NDFIP1: variants seen among roughly 807,000 people sequenced by gnomAD.
NDFIP1 encodes the protein NEDD4 family-interacting protein 1.
In NDFIP1, 7 loss-of-function variants were observed where a neutral mutation model predicts 28.8. The ratio of observed to expected loss-of-function variants is 0.24; its 90% CI spans 0.14 to 0.46. The LOEUF (loss-of-function observed/expected upper bound fraction) is 0.46, where lower values mean the gene tolerates loss of function less well. Ranked by LOEUF, NDFIP1 falls within the 20% of genes least tolerant of loss-of-function variation. NDFIP1 has a pLI of 0.99. For synonymous variants in NDFIP1, 92 were observed against 101.0 expected (o/e 0.91, Z 0.53); for missense variants, 194 against 269.1 (o/e 0.72, Z 1.95).
chr5:142,137,484 A>T (rs1432737784), intron 4 of NDFIP1, among the ~76,000 whole-genome samples: 1 of 152,142 alleles, frequency 6.6e-6, no homozygotes, highest in African/African-American at 2.4e-5. Context: ...TGCTCAGCCT[A>T]TTAAGGCGTT....
intron 7 of NDFIP1, among the ~76,000 whole-genome samples, chr5:142,147,844 C>G (rs896309654): frequency 6.6e-6 from 1 of 152,224 alleles, no homozygotes; most frequent in Non-Finnish European, 1.5e-5. Context: ...AATTGCCTCT[C>G]TTGACATTGT....
intron 4 of NDFIP1, among the ~76,000 whole-genome samples, chr5:142,136,448 C>A (rs1596791212): frequency 6.6e-6 from 1 of 152,090 alleles, no homozygotes; most frequent in South Asian, 2.1e-4. Flanking sequence ...ATATATATAA[C>A]ACACACAGTA....
intron 1 of NDFIP1, among the ~76,000 whole-genome samples, chr5:142,126,211 G>A (rs999786067): frequency 6.6e-6 from 1 of 152,158 alleles, no homozygotes; most frequent in Non-Finnish European, 1.5e-5. Flanking sequence ...TAATTATACT[G>A]CCTTGTTTTG....
rs1757470408 is a variant in NDFIP1 at position 142,153,674 on chromosome 5, A to G, written c.*1946A>G. ...GAGTTTGGAAGTTTGTATGGCCTAT[A>G]ATGTTCTAAGTTCCAGAATGAAAAG... On this transcript the variant is annotated 3_prime_UTR_variant, in exon 8 of 8. Transcript: ENST00000253814. The G allele has an allele frequency of 7.2e-6, 2 of 277,086 alleles. No homozygotes were observed. The highest frequency in any genetic ancestry group is 2.2e-5 in the African/African-American group (1 of 45,350). 17.2% of individuals were successfully genotyped at this position (277,086 alleles called of 1,614,324 possible).
chr5:142,127,082 C>A (rs777741632), intron 1 of NDFIP1, among the ~76,000 whole-genome samples: 66 of 152,128 alleles, frequency 4.3e-4, no homozygotes, highest in Non-Finnish European at 8.2e-4. Context: ...GTGGCTTGAT[C>A]TCAGCTTACT....
intron 4 of NDFIP1, among the ~76,000 whole-genome samples, chr5:142,136,773 AAG>A (rs1757280124): frequency 6.7e-6 from 1 of 149,872 alleles, no homozygotes; most frequent in Admixed American, 6.6e-5. Context: ...AAAAAAAAAA[AAG>A]AGGTCAAAGG....
intron 1 of NDFIP1, among the ~76,000 whole-genome samples, chr5:142,117,336 T>C (rs1363810772): frequency 1.3e-5 from 2 of 151,014 alleles, no homozygotes; most frequent in Non-Finnish European, 3.0e-5. Flanking sequence ...CTCCGCCTCC[T>C]GGGCTCAAGT....
intron 4 of NDFIP1, among the ~76,000 whole-genome samples, chr5:142,136,974 G>A (rs1213353573): frequency 6.6e-6 from 1 of 150,692 alleles, no homozygotes; most frequent in Non-Finnish European, 1.5e-5. Context: ...GGGAGGCTGA[G>A]GCAGGAGAAT....
intron 1 of NDFIP1, among the ~76,000 whole-genome samples, chr5:142,124,983 G>A (rs920152102): frequency 2.2e-4 from 34 of 152,026 alleles, no homozygotes; most frequent in African/African-American, 8.0e-4. Flanking sequence ...CCACCATCAC[G>A]CCCAGCTAAT....
chr5:142,110,511 C>G (rs1027734738), intron 1 of NDFIP1, among the ~76,000 whole-genome samples: 4 of 152,100 alleles, frequency 2.6e-5, no homozygotes, highest in Non-Finnish European at 5.9e-5. Flanking sequence ...GTAATGCTGA[C>G]ATACTGCTAG....
At chr5:142,148,965 C>T (rs991181832) in intron 7 of NDFIP1, among the ~76,000 whole-genome samples, 2 of 152,006 alleles carry the variant, frequency 1.3e-5, no homozygotes, top group Non-Finnish European at 2.9e-5. Context: ...AAGGTGGTAA[C>T]ACAGTTGATT....
At chr5:142,135,874 G>T in intron 4 of NDFIP1, 57 bp downstream of exon 4, 2 of 1,215,076 alleles carry the variant, frequency 1.6e-6, no homozygotes, top group Non-Finnish European at 2.4e-6. Context: ...TTTGGATTAT[G>T]GGTGAATCTG....
At chr5:142,115,531 C>T (rs1039152035) in intron 1 of NDFIP1, among the ~76,000 whole-genome samples, 13 of 152,200 alleles carry the variant, frequency 8.5e-5, no homozygotes, top group African/African-American at 2.2e-4. Context: ...GTGATCTGCC[C>T]GCCTCGGTCT....
intron 1 of NDFIP1, among the ~76,000 whole-genome samples, chr5:142,125,009 G>T (rs1032487303): frequency 4.1e-4 from 63 of 152,076 alleles, no homozygotes; most frequent in African/African-American, 1.5e-3. Context: ...TGTATTTTTA[G>T]TAGAGATGGG....
chr5:142,126,990 GAA>G (rs35952555), intron 1 of NDFIP1, among the ~76,000 whole-genome samples: 2 of 150,932 alleles, frequency 1.3e-5, no homozygotes, highest in Non-Finnish European at 3.0e-5. Context: ...GATAAGGAGG[GAA>G]AAAAAAACGC....
At chr5:142,143,993 TTAATAATAATAATAATAA>T (rs61139878) in intron 6 of NDFIP1, 1 of 148,098 alleles carries the variant, frequency 6.8e-6, no homozygotes, top group African/African-American at 2.5e-5. Flanking sequence ...ACCCTGTCTG[TTAATAATAATAATAATAA>T]TAATAATAAT....
chr5:142,132,620 A>G (rs565355464), intron 3 of NDFIP1, among the ~76,000 whole-genome samples: 2 of 152,316 alleles, frequency 1.3e-5, no homozygotes, highest in Non-Finnish European at 2.9e-5. Flanking sequence ...AAGCAGAAGC[A>G]CACTAATGTT....
At position 142,153,608 on chromosome 5, in the gene NDFIP1, A is replaced by AT. The variant is rs3833446; in HGVS notation, c.*1891dup. The AT allele has an allele frequency of 4.8e-3, 1,322 of 273,192 alleles. No individual in the cohort carries two copies. The highest frequency in any genetic ancestry group is 9.4e-3 in the South Asian group (271 of 28,774). The allele number at this position is 273,192 out of a possible 1,614,324, so 16.9% of individuals were successfully genotyped here. ...GAGTTTTATGGAAGTTTCTTTGAAG[A>AT]TTTTTTTTTTTCCATTTCGAATCAG... On this transcript the variant is annotated 3_prime_UTR_variant, in exon 8 of 8. Coordinates refer to ENST00000253814, the MANE Select transcript of NDFIP1 (RefSeq NM_030571.4).
At chr5:142,136,013 G>A (rs1184771684) in intron 4 of NDFIP1, among the ~76,000 whole-genome samples, 196 bp downstream of exon 4, 2 of 152,098 alleles carry the variant, frequency 1.3e-5, no homozygotes, top group Non-Finnish European at 2.9e-5. Flanking sequence ...CTATTTTCAT[G>A]AATATCTGTG....
Sources: allele counts gnomAD v4.1 joint callset (sites outside exome capture counted in the v4.1 genomes callset), GRCh38; gene constraint gnomAD v4.1.1; transcripts MANE v1.5; gene names NCBI Gene and HGNC (gene_info 2026-07-23, HGNC 2026-07-21).